The following ZSCAN5A variants were observed in gnomAD, a reference collection of about 807,000 sequenced individuals.
The protein encoded by ZSCAN5A is zinc finger and SCAN domain containing 5A.
ZSCAN5A carries 12 observed loss-of-function variants against 23.7 expected under a neutral mutation model. That is an observed-to-expected ratio of 0.51 (90% CI 0.32 to 0.82). The LOEUF (loss-of-function observed/expected upper bound fraction) is 0.82, where lower values mean the gene tolerates loss of function less well. Among genes scored for constraint, ZSCAN5A ranks in the 40% least tolerant of loss-of-function variants. The probability of loss-of-function intolerance (pLI) is 0.03; values close to 1 mark genes in which losing one functional copy is unlikely to be tolerated. For synonymous variants in ZSCAN5A, 257 were observed against 239.9 expected, an observed-to-expected ratio of 1.07 and a Z score of -0.66; for missense variants, 597 against 617.9, an observed-to-expected ratio of 0.97 and a Z score of 0.36.
chr19:56,310,374 T>A (rs2040961664), intron 2 of ZSCAN5A: 1 of 152,228 alleles, frequency 6.6e-6, no homozygotes, highest in Admixed American at 6.5e-5. Context: ...CTGCAGGAGT[T>A]TCCCCTAAAA....
At chr19:56,300,974 T>G (rs1301409737) in intron 2 of ZSCAN5A, among the ~76,000 whole-genome samples, 1 of 151,860 alleles carries the variant, frequency 6.6e-6, no homozygotes, top group Non-Finnish European at 1.5e-5. Flanking sequence ...GGGAGATGGA[T>G]GAGAAAGAGA....
At chr19:56,353,498 G>A (rs942876129) in intron 2 of ZSCAN5A, among the ~76,000 whole-genome samples, 1 of 152,092 alleles carries the variant, frequency 6.6e-6, no homozygotes, top group Admixed American at 6.6e-5. Context: ...GGCCGGGCGC[G>A]GTGGCTCACG....
At chr19:56,268,160 G>A (rs2037602838) in intron 2 of ZSCAN5A, among the ~76,000 whole-genome samples, 1 of 152,196 alleles carries the variant, frequency 6.6e-6, no homozygotes, top group Non-Finnish European at 1.5e-5. Flanking sequence ...CCAGAGCCCA[G>A]GACATGGGTT....
chr19:56,306,187 G>A (rs954389451), intron 2 of ZSCAN5A, among the ~76,000 whole-genome samples: 6 of 152,202 alleles, frequency 3.9e-5, no homozygotes, highest in African/African-American at 7.2e-5. Context: ...ACGAGATGAC[G>A]GTAGCCTGGT....
intron 2 of ZSCAN5A, among the ~76,000 whole-genome samples, chr19:56,282,660 T>C (rs116937686): frequency 0.027 from 4,070 of 152,274 alleles, 77 homozygotes; most frequent in Middle Eastern, 0.058. Context: ...TGTCCTTTGA[T>C]GAACAACAAC....
intron 1 of ZSCAN5A, chr19:56,314,414 C>A (rs1568744560): frequency 1.3e-5 from 2 of 152,256 alleles, no homozygotes; most frequent in African/African-American, 4.8e-5. Flanking sequence ...AGTCTCTGCG[C>A]ACTTACTAGA....
chr19:56,243,764 A>T (rs2035615791), intron 2 of ZSCAN5A, among the ~76,000 whole-genome samples: 2 of 152,188 alleles, frequency 1.3e-5, no homozygotes, highest in African/African-American at 4.8e-5. Context: ...ACATATAGTC[A>T]GGTGTAGACA....
At chr19:56,275,862 T>C (rs1205943738) in intron 2 of ZSCAN5A, among the ~76,000 whole-genome samples, 2 of 152,210 alleles carry the variant, frequency 1.3e-5, no homozygotes, top group African/African-American at 4.8e-5. Flanking sequence ...GCATGTACCA[T>C]GTGAATGTTG....
At chr19:56,229,695 TA>T (rs1461561779) in intron 2 of ZSCAN5A, among the ~76,000 whole-genome samples, 1 of 152,230 alleles carries the variant, frequency 6.6e-6, no homozygotes, top group African/African-American at 2.4e-5. Flanking sequence ...TGATGTCTAT[TA>T]ATAGTATGGT....
intron 2 of ZSCAN5A, among the ~76,000 whole-genome samples, chr19:56,248,044 C>T (rs371133005): frequency 3.3e-5 from 5 of 152,302 alleles, no homozygotes; most frequent in South Asian, 2.1e-4. Flanking sequence ...TAACAAAAAA[C>T]GGAGCCTTCT....
At chr19:56,242,866 C>T (rs1362900413) in intron 2 of ZSCAN5A, among the ~76,000 whole-genome samples, 2 of 152,178 alleles carry the variant, frequency 1.3e-5, no homozygotes, top group African/African-American at 2.4e-5. Context: ...ACAACTTCCA[C>T]CTCCCTGATT....
intron 2 of ZSCAN5A, among the ~76,000 whole-genome samples, chr19:56,326,675 A>C (rs557503504): frequency 6.6e-6 from 1 of 152,106 alleles, no homozygotes; most frequent in East Asian, 1.9e-4. Flanking sequence ...ACCCCCACCC[A>C]CACATGCTCT....
At chr19:56,250,301 G>C (rs2036247403) in intron 2 of ZSCAN5A, among the ~76,000 whole-genome samples, 1 of 152,136 alleles carries the variant, frequency 6.6e-6, no homozygotes, top group Non-Finnish European at 1.5e-5. Context: ...GTCGATACTT[G>C]GAAATCAGGT....
At chr19:56,264,142 C>G (rs1009890171) in intron 2 of ZSCAN5A, among the ~76,000 whole-genome samples, 1 of 151,942 alleles carries the variant, frequency 6.6e-6, no homozygotes, top group Non-Finnish European at 1.5e-5. Context: ...TGCAGGCACC[C>G]GCCACCTCAC....
Position 56,234,541 on chromosome 19 carries a change from G to A in ZSCAN5A, c.-127-9368C>T, listed in dbSNP as rs540487848. On this transcript the variant is annotated intron_variant, in intron 2 of 5. Transcript: ENST00000683990. ...AAGTAAAACCAAAGACAGGCAGCCC[G>A]GCGCCAGGCCCGAAACCAGGCCTGG... Among the ~76,000 whole-genome samples the A allele has an allele frequency of 3.3e-5, 5 of 150,498 alleles. No individual in the cohort carries two copies. In the South Asian group the frequency reaches 6.3e-4, roughly 19 times the overall value.
chr19:56,327,918 C>CAT (rs2041451188), intron 2 of ZSCAN5A, among the ~76,000 whole-genome samples: 1 of 151,630 alleles, frequency 6.6e-6, no homozygotes, highest in African/African-American at 2.4e-5. Flanking sequence ...ATAGATAATT[C>CAT]ATATATATCA....
chr19:56,327,775 GT>G (rs2041449007), intron 2 of ZSCAN5A, among the ~76,000 whole-genome samples: 1 of 151,348 alleles, frequency 6.6e-6, no homozygotes, highest in African/African-American at 2.4e-5. Context: ...GTTTTTACAT[GT>G]GTATTTACAT....
At chr19:56,243,351 A>G (rs1219711839) in intron 2 of ZSCAN5A, among the ~76,000 whole-genome samples, 2 of 152,204 alleles carry the variant, frequency 1.3e-5, no homozygotes, top group East Asian at 3.9e-4. Flanking sequence ...TGTGCACTTC[A>G]AGATGGTAAA....
In ZSCAN5A at chr19:56,241,438, C is replaced by T. The variant is rs117097173; in HGVS notation, c.-127-16265G>A. On this transcript the variant is annotated intron_variant, in intron 2 of 5. Coordinates refer to ENST00000683990, the MANE Select transcript of ZSCAN5A (RefSeq NM_001322064.3). Reference sequence around the variant, plus strand: ...CTCTCTCATATTTGTATGCTTTTTTCAAAAAAAATTAATTTGCTTTCAAAT... The same window carrying T: ...CTCTCTCATATTTGTATGCTTTTTTTAAAAAAAATTAATTTGCTTTCAAAT... 9.2e-5 allele frequency among the ~76,000 whole-genome samples: 14 copies of T among 151,490 alleles called. 1 individual carries two copies. The highest frequency in any genetic ancestry group is 3.4e-3 in the Middle Eastern group (1 of 292).
Sources: gnomAD v4.1 joint callset for allele counts (sites outside exome capture counted in the v4.1 genomes callset) on GRCh38, gnomAD v4.1.1 for gene constraint, MANE v1.5 for transcripts, NCBI Gene and HGNC (gene_info 2026-07-23, HGNC 2026-07-21) for gene names.